MECOM: variants seen among roughly 807,000 people sequenced by gnomAD.
MECOM encodes MDS1 and EVI1 complex locus, also known as histone-lysine N-methyltransferase MECOM.
In MECOM, 13 loss-of-function variants were observed where a neutral mutation model predicts 116.3. The ratio of observed to expected loss-of-function variants is 0.11; its 90% CI spans 0.07 to 0.18. MECOM has a LOEUF of 0.18. Among genes scored for constraint, MECOM ranks in the 10% least tolerant of loss-of-function variants. The pLI is 1.00. For synonymous variants in MECOM, 528 were observed against 535.2 expected (o/e 0.99, Z 0.19); for missense variants, 1,299 against 1,509.0 (o/e 0.86, Z 2.31).
At chr3:169,091,563 G>T (rs1425013207) in intron 14 of MECOM, among the ~76,000 whole-genome samples, 1 of 151,986 alleles carries the variant, frequency 6.6e-6, no homozygotes, top group Non-Finnish European at 1.5e-5. Flanking sequence ...ACTGTTTCTT[G>T]CTTGTTCTTG....
At chr3:169,383,679 C>T (rs1312874768) in intron 1 of MECOM, among the ~76,000 whole-genome samples, 1 of 152,174 alleles carries the variant, frequency 6.6e-6, no homozygotes, top group African/African-American at 2.4e-5. Flanking sequence ...ACCTTCCTGG[C>T]AGACCAATTT....
chr3:169,516,398 TA>T (rs1214101508), intron 1 of MECOM, among the ~76,000 whole-genome samples: 5 of 152,222 alleles, frequency 3.3e-5, no homozygotes, highest in African/African-American at 4.8e-5. Flanking sequence ...TCCTTCTACA[TA>T]GATCATATCT....
intron 1 of MECOM, among the ~76,000 whole-genome samples, chr3:169,505,735 C>T (rs748447649): frequency 2.0e-5 from 3 of 152,196 alleles, no homozygotes; most frequent in Non-Finnish European, 4.4e-5. Flanking sequence ...AACTTGGTCA[C>T]CTTTTGCTGG....
chr3:169,305,840 GTT>G (rs796996071), intron 2 of MECOM, among the ~76,000 whole-genome samples: 20 of 146,884 alleles, frequency 1.4e-4, no homozygotes, highest in Non-Finnish European at 2.7e-4. Flanking sequence ...TTGTGTAAAG[GTT>G]TTTTTTTTTC....
intron 1 of MECOM, among the ~76,000 whole-genome samples, chr3:169,429,673 T>A (rs1741289631): frequency 6.6e-6 from 1 of 152,320 alleles, no homozygotes; most frequent in East Asian, 1.9e-4. Context: ...TTAATGGGTT[T>A]AACATGAAAA....
intron 2 of MECOM, among the ~76,000 whole-genome samples, chr3:169,327,876 C>T (rs62293344): frequency 0.061 from 9,285 of 152,196 alleles, 295 homozygotes; most frequent in Non-Finnish European, 0.069. Context: ...TATAACACTC[C>T]ACACCTTCTT....
intron 1 of MECOM, among the ~76,000 whole-genome samples, chr3:169,631,068 C>A (rs745791165): frequency 1.3e-5 from 2 of 152,368 alleles, no homozygotes; most frequent in African/African-American, 4.8e-5. Context: ...GGCAGCTCTG[C>A]AGTGGTGGAG....
chr3:169,314,329 A>T (rs746129741), intron 2 of MECOM, among the ~76,000 whole-genome samples: 1 of 152,204 alleles, frequency 6.6e-6, no homozygotes, highest in Non-Finnish European at 1.5e-5. Context: ...CAAATAAATG[A>T]ACTCAAACAT....
At chr3:169,129,415 A>C (rs991681015) in intron 4 of MECOM, among the ~76,000 whole-genome samples, 1 of 14,428 alleles carries the variant, frequency 6.9e-5, no homozygotes, top group Non-Finnish European at 2.0e-4. Flanking sequence ...TTTTAGAAGA[A>C]TTTTCCCAGT....
At chr3:169,094,226 A>G (rs998933705) in intron 13 of MECOM, among the ~76,000 whole-genome samples, 2 of 152,154 alleles carry the variant, frequency 1.3e-5, no homozygotes, top group Non-Finnish European at 2.9e-5. Flanking sequence ...TTCCATAAAT[A>G]AAGATTGCTA....
intron 2 of MECOM, among the ~76,000 whole-genome samples, chr3:169,261,869 CAGA>C (rs1757600841): frequency 6.6e-6 from 1 of 152,228 alleles, no homozygotes; most frequent in East Asian, 1.9e-4. Context: ...CTTACAAATG[CAGA>C]AGTACAGACA....
At chr3:169,346,739 G>T (rs1725426850) in intron 2 of MECOM, among the ~76,000 whole-genome samples, 1 of 152,008 alleles carries the variant, frequency 6.6e-6, no homozygotes. Context: ...ACACTACTTA[G>T]TTACACACCA....
At chr3:169,499,226 C>G (rs1754216765) in intron 1 of MECOM, among the ~76,000 whole-genome samples, 1 of 150,092 alleles carries the variant, frequency 6.7e-6, no homozygotes, top group Non-Finnish European at 1.5e-5. Flanking sequence ...GCACTAGAAA[C>G]AGTCACAAGA....
intron 1 of MECOM, among the ~76,000 whole-genome samples, chr3:169,608,795 C>T (rs1768897486): frequency 6.6e-6 from 1 of 152,150 alleles, no homozygotes; most frequent in Non-Finnish European, 1.5e-5. Flanking sequence ...AGGAAAAAAA[C>T]ATGTTCTGCT....
chr3:169,290,779 T>C (rs1577606270), intron 2 of MECOM, among the ~76,000 whole-genome samples: 1 of 152,176 alleles, frequency 6.6e-6, no homozygotes, highest in Non-Finnish European at 1.5e-5. Context: ...TGGCAAAAAA[T>C]CATTTCTCGA....
At chr3:169,321,705 C>T (rs945065825) in intron 2 of MECOM, among the ~76,000 whole-genome samples, 3 of 151,958 alleles carry the variant, frequency 2.0e-5, no homozygotes, top group Admixed American at 2.0e-4. Flanking sequence ...GTGGGACAAG[C>T]GTGGTCAGGG....
Position 169,627,300 on chromosome 3 carries a change from C to G in MECOM, c.37+36036G>C, listed in dbSNP as rs573345283. ...TCTGCAGAGCCTCAGAGAAATGAGG[C>G]AGCAGCGAAAAGCCATCTGCTGCCA... On this transcript the variant is annotated intron_variant, in intron 1 of 16. Coordinates refer to ENST00000651503, the MANE Select transcript of MECOM (RefSeq NM_004991.4). Among the ~76,000 whole-genome samples, 24 of 152,300 alleles carry G rather than the reference C, an allele frequency of 1.6e-4. No homozygotes were observed. In the South Asian group the frequency reaches 5.0e-3, roughly 32 times the overall value.
intron 14 of MECOM, among the ~76,000 whole-genome samples, chr3:169,091,584 C>A (rs1719736336): frequency 6.6e-6 from 1 of 151,972 alleles, no homozygotes; most frequent in Non-Finnish European, 1.5e-5. Flanking sequence ...CTACTTTGTC[C>A]TTCTGATCAT....
chr3:169,107,413 G>A (rs1725791464), intron 10 of MECOM, among the ~76,000 whole-genome samples: 1 of 152,090 alleles, frequency 6.6e-6, no homozygotes, highest in Non-Finnish European at 1.5e-5. Context: ...CCATTCACTA[G>A]TTACACATGA....
Sources: allele counts gnomAD v4.1 joint callset (sites outside exome capture counted in the v4.1 genomes callset), GRCh38; gene constraint gnomAD v4.1.1; transcripts MANE v1.5; gene names NCBI Gene and HGNC (gene_info 2026-07-23, HGNC 2026-07-21).